DENND2B: variants seen among roughly 807,000 people sequenced by gnomAD.
DENND2B encodes the protein DENN domain-containing protein 2B.
DENND2B carries 32 observed loss-of-function variants against 116.0 expected under a neutral mutation model. The ratio of observed to expected loss-of-function variants is 0.28; its 90% CI spans 0.21 to 0.37. The LOEUF (loss-of-function observed/expected upper bound fraction) is 0.37. Among genes scored for constraint, DENND2B ranks in the 10% least tolerant of loss-of-function variants. The pLI, the probability that DENND2B is intolerant of heterozygous loss-of-function variation, is 1.00. For missense variants in DENND2B, 1,276 were observed against 1,477.7 expected, an observed-to-expected ratio of 0.86 and a Z score of 2.24; for synonymous variants, 588 against 583.9, an observed-to-expected ratio of 1.01 and a Z score of -0.10.
intron 4 of DENND2B, chr11:8,719,148 G>A: frequency 2.0e-6 from 2 of 985,702 alleles, no homozygotes; most frequent in Non-Finnish European, 2.4e-6. Flanking sequence ...GCAGAAGAAG[G>A]AGCTGGAGGA....
intron 1 of DENND2B, among the ~76,000 whole-genome samples, chr11:8,897,647 G>C (rs1441163392): frequency 6.6e-6 from 1 of 152,214 alleles, no homozygotes; most frequent in Non-Finnish European, 1.5e-5. Flanking sequence ...ACCCTTGGTG[G>C]TCTGGAAGGC....
chr11:8,818,785 A>G (rs374700424), intron 4 of DENND2B, among the ~76,000 whole-genome samples: 4 of 152,196 alleles, frequency 2.6e-5, no homozygotes, highest in South Asian at 4.1e-4. Context: ...AAATTTTTAA[A>G]TGAATGAACT....
chr11:8,787,933 C>A (rs2059060327), intron 1 of DENND2B, among the ~76,000 whole-genome samples: 1 of 152,158 alleles, frequency 6.6e-6, no homozygotes, highest in African/African-American at 2.4e-5. Flanking sequence ...AGTTTGATGG[C>A]TATTACCTAG....
At chr11:8,905,025 T>C (rs2064217934) in intron 1 of DENND2B, among the ~76,000 whole-genome samples, 1 of 152,114 alleles carries the variant, frequency 6.6e-6, no homozygotes, top group African/African-American at 2.4e-5. Flanking sequence ...ACATCAACAG[T>C]TGTTACACAG....
chr11:8,850,490 C>T (rs553756200), intron 3 of DENND2B, among the ~76,000 whole-genome samples: 7 of 151,776 alleles, frequency 4.6e-5, no homozygotes, highest in Admixed American at 2.6e-4. Flanking sequence ...AAAACTACAC[C>T]GAGATAACAC....
At chr11:8,750,756 T>C in intron 1 of DENND2B, 31 bp from the exon 2 acceptor site, 1 of 1,607,766 alleles carries the variant, frequency 6.2e-7, no homozygotes, top group Non-Finnish European at 8.5e-7. Context: ...GTAAGCCAAG[T>C]TTCTATAGGC....
chr11:8,693,500 G>C lies in DENND2B; in HGVS notation c.*596C>G, dbSNP rs2039785699. On this transcript the variant is annotated 3_prime_UTR_variant, in exon 20 of 20. Coordinates refer to ENST00000313726, the MANE Select transcript of DENND2B (RefSeq NM_213618.2). ...GGGGGTGGGCTTCCCATGACACACT[G>C]ACCATCTCGGAGGGTGGGAGGAATG... The C allele has an allele frequency of 6.5e-6, 1 of 152,842 alleles. No homozygotes were observed. The highest frequency in any genetic ancestry group is 1.5e-5 in the Non-Finnish European group (1 of 68,224). The allele number at this position is 152,842 out of a possible 1,614,324, so 9.5% of individuals were successfully genotyped here.
At chr11:8,828,791 T>A (rs775892439) in intron 4 of DENND2B, among the ~76,000 whole-genome samples, 1 of 152,110 alleles carries the variant, frequency 6.6e-6, no homozygotes, top group African/African-American at 2.4e-5. Context: ...TGTCTGAGTT[T>A]ACCCAAGAGG....
chr11:8,800,554 C>T (rs1488213875), intron 1 of DENND2B, among the ~76,000 whole-genome samples: 2 of 152,200 alleles, frequency 1.3e-5, no homozygotes, highest in African/African-American at 4.8e-5. Flanking sequence ...AATAACCTTA[C>T]ATTGTAAACA....
intron 19 of DENND2B, chr11:8,694,629 G>A (rs952537320): frequency 4.4e-6 from 2 of 456,160 alleles, no homozygotes; most frequent in African/African-American, 2.0e-5. Flanking sequence ...TGAGTTCTGC[G>A]TCCATGGGTT....
At chr11:8,783,642 A>G (rs1216116509) in intron 1 of DENND2B, among the ~76,000 whole-genome samples, 1 of 152,242 alleles carries the variant, frequency 6.6e-6, no homozygotes, top group Non-Finnish European at 1.5e-5. Flanking sequence ...TTATTGTCCA[A>G]ATATTCCTCA....
chr11:8,799,634 A>C lies in DENND2B; in HGVS notation c.-26+10883T>G, dbSNP rs938385878. 9.1e-4 allele frequency among the ~76,000 whole-genome samples: 128 copies of C among 140,872 alleles called. 1 individual carries two copies. Among genetic ancestry groups the C allele is most frequent in the African/African-American group, 3.1e-3 (118 of 37,550 alleles). The allele number at this position is 140,872 out of a possible 152,430, so 92.4% of individuals were successfully genotyped here. On this transcript the variant is annotated intron_variant, in intron 1 of 19. Transcript: ENST00000313726. ...TCAGGCTGGAGTGCAGTGTGTATTC[A>C]CAGGTGTGATCATTGCGCAGGACAG...
intron 1 of DENND2B, among the ~76,000 whole-genome samples, chr11:8,752,245 G>A (rs886604726): frequency 1.3e-5 from 2 of 152,212 alleles, no homozygotes; most frequent in African/African-American, 4.8e-5. Context: ...TTGAGGTCAG[G>A]AGTTCAGACC....
At chr11:8,847,987 C>T (rs577073739) in intron 3 of DENND2B, among the ~76,000 whole-genome samples, 9 of 152,202 alleles carry the variant, frequency 5.9e-5, no homozygotes, top group African/African-American at 2.2e-4. Context: ...GAAGGATTTG[C>T]TCTGAGTACA....
intron 2 of DENND2B, among the ~76,000 whole-genome samples, chr11:8,864,427 T>C (rs950068435): frequency 6.6e-6 from 1 of 151,974 alleles, no homozygotes; most frequent in Non-Finnish European, 1.5e-5. Flanking sequence ...ACCGCCACGC[T>C]CGGCTAATTT....
chr11:8,710,135 C>G (rs569818139), intron 11 of DENND2B, among the ~76,000 whole-genome samples: 1 of 152,252 alleles, frequency 6.6e-6, no homozygotes, highest in East Asian at 1.9e-4. Context: ...CTTGCTAAGG[C>G]CTGGAAACCC....
intron 2 of DENND2B, among the ~76,000 whole-genome samples, chr11:8,740,938 T>G (rs1240287138): frequency 6.6e-6 from 1 of 152,142 alleles, no homozygotes; most frequent in Non-Finnish European, 1.5e-5. Context: ...GTCCAAGAGT[T>G]TGTTCCCCAG....
intron 1 of DENND2B, among the ~76,000 whole-genome samples, chr11:8,895,753 G>T (rs2064093997): frequency 6.6e-6 from 1 of 152,032 alleles, no homozygotes; most frequent in African/African-American, 2.4e-5. Context: ...TTTATTTTGT[G>T]TGTTTTTTTA....
intron 13 of DENND2B, among the ~76,000 whole-genome samples, chr11:8,706,288 C>T (rs1490357637): frequency 2.6e-5 from 4 of 152,130 alleles, no homozygotes; most frequent in Admixed American, 1.3e-4. Context: ...AAATATACGT[C>T]AGATCTTATC....
Sources: gnomAD v4.1 joint callset for allele counts (sites outside exome capture counted in the v4.1 genomes callset) on GRCh38, gnomAD v4.1.1 for gene constraint, MANE v1.5 for transcripts, NCBI Gene and HGNC (gene_info 2026-07-23, HGNC 2026-07-21) for gene names.